The following TCF4 variants were observed in gnomAD, a reference collection of about 807,000 sequenced individuals.
The protein encoded by TCF4 is SL3-3 enhancer factor 2.
In TCF4, 3 loss-of-function variants were observed where a neutral mutation model predicts 82.1. That is an observed-to-expected ratio of 0.04 (90% CI 0.02 to 0.09). The LOEUF (loss-of-function observed/expected upper bound fraction) is 0.09, where lower values mean the gene tolerates loss of function less well. TCF4 is among the 10% of genes least tolerant of loss of function. The pLI is 1.00. For synonymous variants in TCF4, 276 were observed against 309.6 expected (o/e 0.89, Z 1.14); for missense variants, 518 against 852.7 (o/e 0.61, Z 4.89).
At chr18:55,585,453 T>C (rs2097632136) in intron 2 of TCF4, 101 bp from the exon 3 acceptor site, 2 of 1,105,178 alleles carry the variant, frequency 1.8e-6, no homozygotes, top group Non-Finnish European at 2.7e-6. Flanking sequence ...TTAGAGTTTA[T>C]GCTAAGGGTT....
chr18:55,481,103 C>CAAA lies in TCF4; in HGVS notation c.146-16969_146-16967dup, dbSNP rs74180501. On this transcript the variant is annotated intron_variant, in intron 3 of 19. Transcript: ENST00000354452. Reference sequence around the variant, plus strand: ...TGGGCAACAGAGCAAGACTCCATCTCAAAAAAAAAAAAAAAAAAAAAAAAA... The same window carrying CAAA: ...TGGGCAACAGAGCAAGACTCCATCTCAAAAAAAAAAAAAAAAAAAAAAAAAAAA... Among the ~76,000 whole-genome samples, 33 of 80,546 alleles carry CAAA rather than the reference C, an allele frequency of 4.1e-4. 1 individual carries two copies. In the East Asian group the frequency reaches 5.6e-3, roughly 14 times the overall value. 52.8% of individuals were successfully genotyped at this position (80,546 alleles called of 152,430 possible).
chr18:55,522,306 G>A (rs1003959483), intron 3 of TCF4, among the ~76,000 whole-genome samples: 14 of 152,122 alleles, frequency 9.2e-5, no homozygotes, highest in African/African-American at 3.1e-4. Context: ...GATTTGCAGC[G>A]TCCTAAAGTT....
intron 3 of TCF4, among the ~76,000 whole-genome samples, chr18:55,536,916 C>T (rs1354520565): frequency 1.3e-5 from 2 of 151,300 alleles, no homozygotes; most frequent in African/African-American, 4.9e-5. Context: ...GGGCAGATCA[C>T]GAGGTCAGGA....
chr18:55,586,158 GCAGCAGCAGCAGCAGCAGCAGCAGCAGC>G (rs2097646788), intron 2 of TCF4: 85 of 119,176 alleles, frequency 7.1e-4, no homozygotes, highest in Non-Finnish European at 1.0e-3. Context: ...AGGAGGAGCA[GCAGCAGCAGCAGCAGCAGCAGCAGCAGC>G]AGCAGCAGCA....
At chr18:55,508,165 C>T (rs1313074186) in intron 3 of TCF4, among the ~76,000 whole-genome samples, 1 of 152,098 alleles carries the variant, frequency 6.6e-6, no homozygotes, top group Non-Finnish European at 1.5e-5. Flanking sequence ...CAACAAAATG[C>T]CTCTGGCAAA....
intron 3 of TCF4, among the ~76,000 whole-genome samples, chr18:55,485,889 C>A (rs1451726869): frequency 6.6e-6 from 1 of 152,206 alleles, no homozygotes; most frequent in Non-Finnish European, 1.5e-5. Context: ...GGATGTGTCA[C>A]ACACACAGAA....
At chr18:55,378,043 T>C (rs2091183563) in intron 6 of TCF4, among the ~76,000 whole-genome samples, 1 of 152,238 alleles carries the variant, frequency 6.6e-6, no homozygotes, top group Non-Finnish European at 1.5e-5. Context: ...TTTTAATACC[T>C]TGTTTTCTTT....
chr18:55,298,667 C>A (rs549409215), intron 8 of TCF4, among the ~76,000 whole-genome samples: 2 of 152,282 alleles, frequency 1.3e-5, no homozygotes, highest in Admixed American at 1.3e-4. Flanking sequence ...AGGCAAATAA[C>A]CAAATAGCTA....
intron 9 of TCF4, among the ~76,000 whole-genome samples, chr18:55,278,378 G>T: frequency 6.6e-6 from 1 of 152,080 alleles, no homozygotes; most frequent in East Asian, 1.9e-4. Context: ...GGGGTTCTTG[G>T]TAAATTCCAC....
chr18:55,562,831 AT>A (rs1380565692), intron 3 of TCF4, among the ~76,000 whole-genome samples: 2 of 152,116 alleles, frequency 1.3e-5, no homozygotes, highest in Non-Finnish European at 2.9e-5. Flanking sequence ...TGCTAGTTAC[AT>A]TTTTTCTAAA....
rs894057862 is a variant in TCF4, at chr18:55,303,469, C to T, written c.550-23813G>A. ...TGCAACTCTAGGGAGGAATATCAGTCGAATATAAAAATCCAAGCAGACTTC... is the reference window on the plus strand; with the variant it reads ...TGCAACTCTAGGGAGGAATATCAGTTGAATATAAAAATCCAAGCAGACTTC... On this transcript the variant is annotated intron_variant, in intron 8 of 19. Coordinates refer to ENST00000354452, the MANE Select transcript of TCF4 (RefSeq NM_001083962.2). 2.6e-5 allele frequency among the ~76,000 whole-genome samples: 4 copies of T among 152,196 alleles called. No individual in the cohort carries two copies. The South Asian group carries it at 6.2e-4, about 24-fold the overall frequency.
intron 3 of TCF4, among the ~76,000 whole-genome samples, chr18:55,484,037 GTTAT>G (rs1207121677): frequency 6.6e-6 from 1 of 152,182 alleles, no homozygotes; most frequent in Non-Finnish European, 1.5e-5. Flanking sequence ...CTCAAGGCAA[GTTAT>G]TGGAAAAGCT....
chr18:55,624,506 A>G (rs551182769), intron 2 of TCF4, among the ~76,000 whole-genome samples: 1 of 151,700 alleles, frequency 6.6e-6, no homozygotes, highest in Non-Finnish European at 1.5e-5. Context: ...ATAAACATGA[A>G]TTCTTATGTC....
chr18:55,631,247 A>T, intron 2 of TCF4: 1 of 812,678 alleles, frequency 1.2e-6, no homozygotes, highest in Non-Finnish European at 2.0e-6. Flanking sequence ...ACAGGATTTC[A>T]TCATGTTGGC....
Position 55,364,930 on chromosome 18 carries a change from C to T in TCF4, c.370-13927G>A, listed in dbSNP as rs575600943. On this transcript the variant is annotated intron_variant, in intron 6 of 19. Coordinates refer to ENST00000354452, the MANE Select transcript of TCF4 (RefSeq NM_001083962.2). ...AATCCCAGCACTTTGGGAACTGAGG[C>T]AGGCAGATCACAAGGTCAGGAGATC... 8.4e-4 allele frequency among the ~76,000 whole-genome samples: 127 copies of T among 151,660 alleles called. 1 individual carries two copies. The highest frequency in any genetic ancestry group is 3.0e-3 in the African/African-American group (123 of 41,322).
chr18:55,590,474 C>G (rs2097683257), upstream of TCF4, among the ~76,000 whole-genome samples: 3 of 152,260 alleles, frequency 2.0e-5, no homozygotes, highest in African/African-American at 7.2e-5. Context: ...TAAGCCACGA[C>G]TGACTCAACC....
intron 15 of TCF4, among the ~76,000 whole-genome samples, chr18:55,250,071 G>T (rs2054554253): frequency 6.6e-6 from 1 of 152,148 alleles, no homozygotes; most frequent in South Asian, 2.1e-4. Context: ...TTCTAACTAG[G>T]GTAGTGAAGA....
At chr18:55,322,469 G>T in intron 8 of TCF4, 1 of 997,736 alleles carries the variant, frequency 1.0e-6, no homozygotes, top group Non-Finnish European at 1.2e-6. Flanking sequence ...CTCTGACCTC[G>T]CTCAAAAGGA....
chr18:55,286,576 G>T (rs2063738301), intron 8 of TCF4, among the ~76,000 whole-genome samples: 1 of 152,164 alleles, frequency 6.6e-6, no homozygotes, highest in South Asian at 2.1e-4. Flanking sequence ...AACAGCATGA[G>T]AGATTAGTCA....
Sources: gnomAD v4.1 joint callset for allele counts (sites outside exome capture counted in the v4.1 genomes callset) on GRCh38, gnomAD v4.1.1 for gene constraint, MANE v1.5 for transcripts, NCBI Gene and HGNC (gene_info 2026-07-23, HGNC 2026-07-21) for gene names.